Variants in TRIO observed in about 807,000 individuals in gnomAD.
The protein encoded by TRIO is triple functional domain protein.
Under a neutral mutation model 351.9 loss-of-function variants are expected in TRIO, and 58 were observed. That is an observed-to-expected ratio of 0.16 (90% CI 0.13 to 0.21). The LOEUF (loss-of-function observed/expected upper bound fraction) is 0.21, where lower values mean the gene tolerates loss of function less well. Among genes scored for constraint, TRIO ranks in the 10% least tolerant of loss-of-function variants. TRIO has a pLI of 1.00. For missense variants in TRIO, 3,201 were observed against 4,027.8 expected (o/e 0.79, Z 5.56); for synonymous variants, 1,758 against 1,595.7 (o/e 1.10, Z -2.42).
chr5:14,314,540 G>GTCTT (rs58722699), intron 8 of TRIO, among the ~76,000 whole-genome samples: 6,861 of 152,214 alleles, frequency 0.045, 540 homozygotes, highest in African/African-American at 0.16. Flanking sequence ...ACCAAACACT[G>GTCTT]TCTTTGATTA....
chr5:14,146,331 C>T (rs1307962243), intron 1 of TRIO, among the ~76,000 whole-genome samples: 1 of 152,204 alleles, frequency 6.6e-6, no homozygotes, highest in Non-Finnish European at 1.5e-5. Flanking sequence ...GAGGACAGAT[C>T]ATGGTGTGTT....
At position 14,359,480 on chromosome 5, in the gene TRIO, C is replaced by G. The variant is rs1312892908; in HGVS notation, c.2340C>G (p.Ile780Met). The G allele has an allele frequency of 1.1e-5, 18 of 1,614,152 alleles. No homozygotes were observed. Among genetic ancestry groups the G allele is most frequent in the Middle Eastern group, 1.6e-4 (1 of 6,084 alleles). Residue 780 changes from isoleucine (I) to methionine (M), a missense_variant, in exon 13 of 57, where the codon ATC (isoleucine) becomes ATG (methionine). This residue lies in a region of TRIO where 363 missense variants were observed against 553.5 expected (regional missense o/e 0.66). Coordinates refer to ENST00000344204, the MANE Select transcript of TRIO (RefSeq NM_007118.4). ...QMEELFQERK[I>M]KLELFLQLRI... Reference sequence around the variant, plus strand: ...AGGAGCTCTTCCAGGAGCGCAAGATCAAGCTGGAGCTCTTCCTGCAGCTGC... The same window carrying G: ...AGGAGCTCTTCCAGGAGCGCAAGATGAAGCTGGAGCTCTTCCTGCAGCTGC...
At chr5:14,252,174 G>T (rs1794784314) in intron 1 of TRIO, among the ~76,000 whole-genome samples, 1 of 152,174 alleles carries the variant, frequency 6.6e-6, no homozygotes, top group Admixed American at 6.5e-5. Flanking sequence ...TTTTATGTAA[G>T]ACTCTTTGCA....
chr5:14,244,206 G>A (rs1043668681), intron 1 of TRIO, among the ~76,000 whole-genome samples: 11 of 152,208 alleles, frequency 7.2e-5, no homozygotes, highest in Admixed American at 2.0e-4. Context: ...TTTTCACAAA[G>A]ATATTTACAA....
chr5:14,371,037 A>G (rs1355174690), intron 18 of TRIO, among the ~76,000 whole-genome samples: 1 of 152,236 alleles, frequency 6.6e-6, no homozygotes, highest in Non-Finnish European at 1.5e-5. Context: ...ATGCTATACA[A>G]CCATTGATTT....
rs368444632 is a variant in TRIO, at chr5:14,488,119, C to T, written c.7491C>T (p.Pro2497=). The change falls in exon 48 of 57, where the codon CCC becomes CCT. Residue 2497 remains proline, a synonymous_variant. Transcript: ENST00000344204. ...SSIPASPASR[P]GSFTFPGDSD... is the part of the protein sequence containing the mutation. ...TCCCCGCCTCCCCCGCCAGCCGACCCGGCTCCTTCACCTTCCCGGGGGACA... is the reference window on the plus strand; with the variant it reads ...TCCCCGCCTCCCCCGCCAGCCGACCTGGCTCCTTCACCTTCCCGGGGGACA... 50 of 1,609,704 alleles carry T rather than the reference C, an allele frequency of 3.1e-5. No homozygotes were observed. The highest frequency in any genetic ancestry group is 4.1e-5 in the Non-Finnish European group (48 of 1,179,390).
At chr5:14,387,939 C>A in intron 23 of TRIO, 92 bp downstream of exon 23, 1 of 1,353,752 alleles carries the variant, frequency 7.4e-7, no homozygotes, top group South Asian at 1.3e-5. Context: ...GCTTTGAAGT[C>A]ACATGGCACC....
intron 53 of TRIO, 97 bp downstream of exon 53, chr5:14,498,737 C>T: frequency 6.5e-7 from 1 of 1,539,042 alleles, no homozygotes; most frequent in Non-Finnish European, 8.9e-7. Context: ...TCCAAGTGGC[C>T]TGAAAGATAG....
chr5:14,275,936 GTGTC>G lies in TRIO; in HGVS notation c.233-4384_233-4381del, dbSNP rs1735471309. ...TCTATATGTATGTTTATATATATGTGTGTCTATATATATACATATATATACATAT... is the reference window on the plus strand; with the variant it reads ...TCTATATGTATGTTTATATATATGTGTATATATATACATATATATACATAT... On this transcript the variant is annotated intron_variant, in intron 2 of 56. Coordinates refer to ENST00000344204, the MANE Select transcript of TRIO (RefSeq NM_007118.4). 2.7e-5 allele frequency among the ~76,000 whole-genome samples: 4 copies of G among 146,334 alleles called. No homozygotes were observed. In the Admixed American group the frequency reaches 2.7e-4, roughly 10 times the overall value.
intron 11 of TRIO, among the ~76,000 whole-genome samples, chr5:14,344,925 C>A (rs769457276): frequency 1.3e-5 from 2 of 152,202 alleles, no homozygotes; most frequent in Non-Finnish European, 2.9e-5. Flanking sequence ...ATTTTGTACA[C>A]ATCACTAAGT....
intron 1 of TRIO, among the ~76,000 whole-genome samples, chr5:14,233,238 C>T (rs774582810): frequency 3.4e-5 from 5 of 147,774 alleles, no homozygotes; most frequent in Non-Finnish European, 7.4e-5. Context: ...CCCAGCACTT[C>T]GGGAAGCCAA....
intron 1 of TRIO, among the ~76,000 whole-genome samples, chr5:14,205,337 A>C (rs1238416683): frequency 6.6e-6 from 1 of 152,252 alleles, no homozygotes; most frequent in Non-Finnish European, 1.5e-5. Context: ...ACAAAGGATA[A>C]AATAATTGTC....
intron 11 of TRIO, among the ~76,000 whole-genome samples, chr5:14,348,205 TGAG>T (rs1441649791): frequency 2.0e-5 from 3 of 152,370 alleles, no homozygotes; most frequent in South Asian, 2.1e-4. Flanking sequence ...AAAACTGACT[TGAG>T]GAGTGTGAGA....
At chr5:14,257,167 T>G (rs1238336444) in intron 1 of TRIO, among the ~76,000 whole-genome samples, 1 of 152,238 alleles carries the variant, frequency 6.6e-6, no homozygotes, top group African/African-American at 2.4e-5. Flanking sequence ...GACCTCCTGC[T>G]GTCCAGTCGC....
At chr5:14,498,427 C>T in intron 52 of TRIO, 92 bp from the exon 53 acceptor site, 1 of 1,533,702 alleles carries the variant, frequency 6.5e-7, no homozygotes, top group Non-Finnish European at 8.8e-7. Flanking sequence ...ACTTGAGCTC[C>T]TGCCTTCCCT....
At chr5:14,301,005 G>A (rs971224593) in intron 7 of TRIO, among the ~76,000 whole-genome samples, 2 of 152,154 alleles carry the variant, frequency 1.3e-5, no homozygotes, top group Non-Finnish European at 2.9e-5. Context: ...ATGGATGGGA[G>A]TGCAGTTCAC....
chr5:14,480,616 G>A (rs1755439945), intron 43 of TRIO, among the ~76,000 whole-genome samples: 1 of 152,172 alleles, frequency 6.6e-6, no homozygotes, highest in African/African-American at 2.4e-5. Context: ...GAGACTTCAA[G>A]TGTATTGATA....
At chr5:14,477,136 T>TA in intron 41 of TRIO, 173 bp downstream of exon 41, 1 of 589,604 alleles carries the variant, frequency 1.7e-6, no homozygotes, top group East Asian at 3.1e-5. Flanking sequence ...CAACATGAGT[T>TA]ACCTGCTTTC....
intron 24 of TRIO, among the ~76,000 whole-genome samples, 185 bp from the exon 25 acceptor site, chr5:14,389,102 CCT>C (rs1193551550): frequency 3.9e-5 from 6 of 152,174 alleles, no homozygotes; most frequent in African/African-American, 1.4e-4. Flanking sequence ...TATAGGAACT[CCT>C]CTCAAGTATT....
Sources: allele counts gnomAD v4.1 joint callset (sites outside exome capture counted in the v4.1 genomes callset), GRCh38; gene constraint gnomAD v4.1.1; regional missense constraint gnomAD v4.1.1; transcripts MANE v1.5; gene names NCBI Gene and HGNC (gene_info 2026-07-23, HGNC 2026-07-21).